ADGRB3: variants seen among roughly 807,000 people sequenced by gnomAD.
ADGRB3 encodes the protein brain-specific angiogenesis inhibitor 3.
In ADGRB3, 37 loss-of-function variants were observed where a neutral mutation model predicts 193.4. That is an observed-to-expected ratio of 0.19 (90% confidence interval 0.15 to 0.25). ADGRB3 has a LOEUF of 0.25. Ranked by LOEUF, ADGRB3 falls within the 10% of genes least tolerant of loss-of-function variation. The probability of loss-of-function intolerance (pLI) is 1.00; values close to 1 mark genes in which losing one functional copy is unlikely to be tolerated. For synonymous variants in ADGRB3, 690 were observed against 644.2 expected (o/e 1.07, Z -1.08); for missense variants, 1,637 against 1,852.9 (o/e 0.88, Z 2.14).
chr6:68,849,368 A>G (rs1186769924), intron 3 of ADGRB3, among the ~76,000 whole-genome samples: 1 of 151,982 alleles, frequency 6.6e-6, no homozygotes, highest in Non-Finnish European at 1.5e-5. Context: ...AAATCACTGA[A>G]AATTTAAGTA....
chr6:68,764,639 G>C (rs1163028487), intron 3 of ADGRB3, among the ~76,000 whole-genome samples: 1 of 152,178 alleles, frequency 6.6e-6, no homozygotes, highest in African/African-American at 2.4e-5. Context: ...TTCACAGGAA[G>C]TGTGAAGATA....
intron 3 of ADGRB3, among the ~76,000 whole-genome samples, chr6:68,672,751 A>G (rs1393585326): frequency 6.6e-6 from 1 of 152,074 alleles, no homozygotes; most frequent in Non-Finnish European, 1.5e-5. Flanking sequence ...GTTGCTGGGA[A>G]GGTATTTTTT....
intron 17 of ADGRB3, among the ~76,000 whole-genome samples, chr6:69,123,521 T>C (rs951203147): frequency 1.3e-5 from 2 of 152,296 alleles, no homozygotes; most frequent in Middle Eastern, 3.4e-3. Flanking sequence ...CTATAAATTA[T>C]ATTCCAGTGG....
At chr6:69,067,560 G>T (rs576065432) in intron 16 of ADGRB3, among the ~76,000 whole-genome samples, 2 of 152,060 alleles carry the variant, frequency 1.3e-5, no homozygotes, top group African/African-American at 4.8e-5. Context: ...AAATCACTTG[G>T]CAAAACTTTG....
At chr6:69,276,996 T>C (rs922398858) in intron 20 of ADGRB3, among the ~76,000 whole-genome samples, 1 of 151,468 alleles carries the variant, frequency 6.6e-6, no homozygotes, top group South Asian at 2.1e-4. Flanking sequence ...TTTCTTTTTT[T>C]TTTTCCTTTT....
intron 10 of ADGRB3, among the ~76,000 whole-genome samples, chr6:68,990,352 G>A (rs915142277): frequency 3.9e-5 from 6 of 152,078 alleles, no homozygotes; most frequent in South Asian, 2.1e-4. Context: ...TAAAGACAAC[G>A]AATAGTCTCA....
chr6:68,726,531 G>A (rs1380367602), intron 3 of ADGRB3, among the ~76,000 whole-genome samples: 1 of 151,544 alleles, frequency 6.6e-6, no homozygotes, highest in African/African-American at 2.4e-5. Context: ...AGCTCAATCT[G>A]GACTCCTAGG....
intron 3 of ADGRB3, among the ~76,000 whole-genome samples, chr6:68,723,293 T>C (rs1454835268): frequency 6.6e-6 from 1 of 151,762 alleles, no homozygotes; most frequent in Non-Finnish European, 1.5e-5. Flanking sequence ...AGGTGGTTCT[T>C]CTTTAACTGG....
chr6:69,154,112 G>A (rs1461241024), intron 17 of ADGRB3, among the ~76,000 whole-genome samples: 3 of 152,114 alleles, frequency 2.0e-5, no homozygotes, highest in Middle Eastern at 3.4e-3. Flanking sequence ...CTGGTATTTC[G>A]TGACTTTATA....
At chr6:68,708,075 G>A (rs1446892398) in intron 3 of ADGRB3, among the ~76,000 whole-genome samples, 1 of 152,172 alleles carries the variant, frequency 6.6e-6, no homozygotes, top group Non-Finnish European at 1.5e-5. Flanking sequence ...TTCTGAGGCA[G>A]AATTTCAATT....
chr6:68,873,037 T>C (rs1026827696), intron 3 of ADGRB3, among the ~76,000 whole-genome samples: 1 of 152,122 alleles, frequency 6.6e-6, no homozygotes. Context: ...TACATTCTTC[T>C]CCAAGTTCCA....
At chr6:68,820,557 C>T (rs1453407767) in intron 3 of ADGRB3, among the ~76,000 whole-genome samples, 2 of 151,938 alleles carry the variant, frequency 1.3e-5, no homozygotes, top group African/African-American at 4.8e-5. Flanking sequence ...TGACTATAGT[C>T]ATCCTGTTGT....
At chr6:68,760,729 C>T (rs1766381499) in intron 3 of ADGRB3, among the ~76,000 whole-genome samples, 1 of 152,096 alleles carries the variant, frequency 6.6e-6, no homozygotes, top group African/African-American at 2.4e-5. Flanking sequence ...AAAATCATGC[C>T]ATTTGCCAGA....
At chr6:69,149,109 T>C (rs1218940587) in intron 17 of ADGRB3, among the ~76,000 whole-genome samples, 7 of 152,158 alleles carry the variant, frequency 4.6e-5, no homozygotes, top group Non-Finnish European at 8.8e-5. Flanking sequence ...TCTGTTATTA[T>C]CCTTTTGAAT....
At chr6:68,681,116 G>C (rs140601717) in intron 3 of ADGRB3, among the ~76,000 whole-genome samples, 7 of 152,074 alleles carry the variant, frequency 4.6e-5, no homozygotes, top group Admixed American at 1.3e-4. Flanking sequence ...GAGCAAAGAG[G>C]TGTGTCACCT....
Position 69,087,347 on chromosome 6 carries a change from C to T in ADGRB3, c.2480+11309C>T, listed in dbSNP as rs145097457. Reference sequence around the variant, plus strand: ...TGATAATCCAAACAGCTTTGACATACTGAACTGATGTTAGTGCTATGGTCT... The same window carrying T: ...TGATAATCCAAACAGCTTTGACATATTGAACTGATGTTAGTGCTATGGTCT... On this transcript the variant is annotated intron_variant, in intron 17 of 31. Transcript: ENST00000370598. 3.1e-3 allele frequency among the ~76,000 whole-genome samples: 473 copies of T among 152,252 alleles called. 3 individuals carry two copies. Among genetic ancestry groups the T allele is most frequent in the African/African-American group, 0.01 (432 of 41,562 alleles).
At chr6:68,800,339 G>C (rs1767288136) in intron 3 of ADGRB3, among the ~76,000 whole-genome samples, 1 of 152,132 alleles carries the variant, frequency 6.6e-6, no homozygotes, top group Non-Finnish European at 1.5e-5. Context: ...GATATCTTAT[G>C]CTTGTGATAC....
In ADGRB3 at chr6:69,360,941, A is replaced by G. The variant is rs377239769; in HGVS notation, c.3668A>G (p.Asp1223Gly). The change falls in exon 29 of 32, where the codon GAT becomes GGT. Residue 1223 changes from aspartate (D) to glycine (G), a missense_variant. Coordinates refer to ENST00000370598, the MANE Select transcript of ADGRB3 (RefSeq NM_001704.3). ...ACACTTTCTAGGATTTCTCTAAATG[A>G]TGATGAAGAAGAAAAGGGAACAAAC... ...TGTLSRISLN[D>G]DEEEKGTNPE... is the part of the protein sequence containing the mutation. The G allele has an allele frequency of 3.7e-6, 6 of 1,612,502 alleles. No homozygotes were observed. The highest frequency in any genetic ancestry group is 5.1e-6 in the Non-Finnish European group (6 of 1,179,092).
intron 3 of ADGRB3, among the ~76,000 whole-genome samples, chr6:68,820,356 G>C (rs1767726521): frequency 6.6e-6 from 1 of 151,444 alleles, no homozygotes; most frequent in South Asian, 2.1e-4. Context: ...TAATTTTTAA[G>C]AGTATATAGT....
Sources: allele counts gnomAD v4.1 joint callset (sites outside exome capture counted in the v4.1 genomes callset), GRCh38; gene constraint gnomAD v4.1.1; transcripts MANE v1.5; gene names NCBI Gene and HGNC (gene_info 2026-07-23, HGNC 2026-07-21).